MOB3B: variants seen among roughly 807,000 people sequenced by gnomAD.
MOB3B encodes the protein MOB kinase activator 3B.
MOB3B carries 7 observed loss-of-function variants against 18.7 expected under a neutral mutation model. The observed-to-expected ratio is 0.37, with a 90% CI of 0.21 to 0.70. The LOEUF is 0.70. Ranked by LOEUF, MOB3B falls within the 30% of genes least tolerant of loss-of-function variation. The pLI is 0.52. For synonymous variants in MOB3B, 111 were observed against 99.9 expected, an observed-to-expected ratio of 1.11 and a Z score of -0.66; for missense variants, 253 against 281.3, an observed-to-expected ratio of 0.90 and a Z score of 0.72.
chr9:27,345,074 C>T (rs976436809), intron 3 of MOB3B, among the ~76,000 whole-genome samples: 1 of 152,230 alleles, frequency 6.6e-6, no homozygotes, highest in Non-Finnish European at 1.5e-5. Context: ...ATCCAGTATG[C>T]AGCAGCATGG....
chr9:27,391,141 C>T (rs1285853182), intron 2 of MOB3B, among the ~76,000 whole-genome samples: 4 of 152,222 alleles, frequency 2.6e-5, no homozygotes, highest in Non-Finnish European at 5.9e-5. Flanking sequence ...CCTTTACTCA[C>T]ACCTACTCTT....
In MOB3B at chr9:27,457,140, A is replaced by G. The variant is rs145960828; in HGVS notation, c.-198-1392T>C. Among the ~76,000 whole-genome samples, 146 of 152,352 alleles carry G rather than the reference A, an allele frequency of 9.6e-4. 1 individual carries two copies. Among genetic ancestry groups the G allele is most frequent in the African/African-American group, 3.0e-3 (126 of 41,572 alleles). On this transcript the variant is annotated intron_variant, in intron 1 of 3. Transcript: ENST00000262244. ...GACTCCTAGCAAATGCTTTCTCTAC[A>G]TGGCCATATATTCCCAAAAGTAATG...
intron 1 of MOB3B, among the ~76,000 whole-genome samples, chr9:27,528,688 AGAAACAAAAGG>A (rs1395024791): frequency 6.6e-6 from 1 of 152,082 alleles, no homozygotes; most frequent in Non-Finnish European, 1.5e-5. Context: ...GGAAACGCGG[AGAAACAAAAGG>A]CCATTCGCCA....
At chr9:27,398,589 A>C (rs184044867) in intron 2 of MOB3B, among the ~76,000 whole-genome samples, 1 of 152,266 alleles carries the variant, frequency 6.6e-6, no homozygotes, top group East Asian at 1.9e-4. Flanking sequence ...TACATGAGCT[A>C]ATTTGGAAGT....
At chr9:27,458,524 T>G (rs543256162) in intron 1 of MOB3B, among the ~76,000 whole-genome samples, 10,969 of 147,676 alleles carry the variant, frequency 0.074, 514 homozygotes, top group Non-Finnish European at 0.1. Context: ...TATGTTTTTT[T>G]TTTTTTTTTG....
At chr9:27,444,170 GGAAA>G (rs1273364016) in intron 2 of MOB3B, among the ~76,000 whole-genome samples, 1 of 139,622 alleles carries the variant, frequency 7.2e-6, no homozygotes, top group African/African-American at 2.8e-5. Flanking sequence ...AAGGAAGGAA[GGAAA>G]GAAGGAAGGA....
At chr9:27,438,683 G>A (rs1251265600) in intron 2 of MOB3B, among the ~76,000 whole-genome samples, 1 of 152,192 alleles carries the variant, frequency 6.6e-6, no homozygotes, top group African/African-American at 2.4e-5. Flanking sequence ...GGGAGGACAA[G>A]GAGCTGCAAG....
chr9:27,523,215 A>G (rs1207431294), intron 1 of MOB3B, among the ~76,000 whole-genome samples: 2 of 152,158 alleles, frequency 1.3e-5, no homozygotes, highest in African/African-American at 2.4e-5. Context: ...TTTAACCATA[A>G]TCAGAGGAAG....
chr9:27,350,431 C>A (rs1821088211), intron 3 of MOB3B, among the ~76,000 whole-genome samples: 1 of 152,032 alleles, frequency 6.6e-6, no homozygotes, highest in African/African-American at 2.4e-5. Context: ...TATAATTGAT[C>A]ATATTTTAGG....
At position 27,359,059 on chromosome 9, in the gene MOB3B, A is replaced by G; in HGVS notation, c.596T>C (p.Ile199Thr). Residue 199 changes from isoleucine to threonine, a missense_variant, in exon 3 of 4, where the codon ATA becomes ACA. Ile to Thr is a moderately conservative substitution (Grantham distance 89). Transcript: ENST00000262244. ...FYYFVTEMNL[I>T]DRKELEPLKE... ...CAAAGGCTCTAGCTCCTTGCGGTCT[A>G]TGAGGTTCATCTCTGTGACAAAGTA... 3.1e-6 allele frequency: 5 copies of G among 1,614,142 alleles called. No homozygotes were observed. The highest frequency in any genetic ancestry group is 4.2e-6 in the Non-Finnish European group (5 of 1,180,022).
intron 1 of MOB3B, among the ~76,000 whole-genome samples, chr9:27,484,931 T>C (rs916455855): frequency 6.6e-6 from 1 of 152,188 alleles, no homozygotes; most frequent in Non-Finnish European, 1.5e-5. Flanking sequence ...GTGACCATTA[T>C]ACCTCAGTTA....
chr9:27,444,094 C>T (rs1822639476), intron 2 of MOB3B, among the ~76,000 whole-genome samples: 1 of 149,934 alleles, frequency 6.7e-6, no homozygotes, highest in Non-Finnish European at 1.5e-5. Flanking sequence ...GAAACCTCTG[C>T]CTTTGCAACC....
chr9:27,487,392 A>G (rs1408928431), intron 1 of MOB3B, among the ~76,000 whole-genome samples: 1 of 152,086 alleles, frequency 6.6e-6, no homozygotes, highest in East Asian at 1.9e-4. Flanking sequence ...CCCTGGAATC[A>G]GCCGTCTCTG....
At chr9:27,476,445 T>G (rs1418436921) in intron 1 of MOB3B, among the ~76,000 whole-genome samples, 2 of 152,210 alleles carry the variant, frequency 1.3e-5, no homozygotes, top group African/African-American at 4.8e-5. Context: ...TTATCCTTCC[T>G]GTGTGTATGT....
Position 27,522,927 on chromosome 9 carries a change from A to ATTT in MOB3B, c.-199+6625_-199+6627dup, listed in dbSNP as rs373430452. Among the ~76,000 whole-genome samples, 9 of 150,916 alleles carry ATTT rather than the reference A, an allele frequency of 6.0e-5. No individual in the cohort carries two copies. The East Asian group carries it at 1.7e-3, about 29-fold the overall frequency. Reference sequence around the variant, plus strand: ...CAAATAGAATAATATATATATATATATTTTTTTCCGTAAGAAACCTTTCCT... The same window carrying ATTT: ...CAAATAGAATAATATATATATATATATTTTTTTTTTCCGTAAGAAACCTTTCCT... On this transcript the variant is annotated intron_variant, in intron 1 of 3. Transcript: ENST00000262244.
chr9:27,378,026 G>C (rs968658406), intron 2 of MOB3B, among the ~76,000 whole-genome samples: 4 of 152,204 alleles, frequency 2.6e-5, no homozygotes, highest in Non-Finnish European at 5.9e-5. Context: ...CTTAGACTAA[G>C]AGTTTGTATA....
At chr9:27,480,096 C>A (rs1161123768) in intron 1 of MOB3B, among the ~76,000 whole-genome samples, 2 of 148,316 alleles carry the variant, frequency 1.3e-5, no homozygotes, top group Non-Finnish European at 3.0e-5. Flanking sequence ...TCATATTATT[C>A]ATATAATATT....
chr9:27,343,905 G>A (rs1200465793), intron 3 of MOB3B, among the ~76,000 whole-genome samples: 3 of 151,816 alleles, frequency 2.0e-5, no homozygotes, highest in Admixed American at 6.6e-5. Context: ...AAATCCTAAA[G>A]ACCCAATTCA....
Position 27,479,403 on chromosome 9 carries a change from T to G in MOB3B, c.-198-23655A>C, listed in dbSNP as rs149858249. On this transcript the variant is annotated intron_variant, in intron 1 of 3. Coordinates refer to ENST00000262244, the MANE Select transcript of MOB3B (RefSeq NM_024761.5). ...TAAACTTCCCACCTCTCAACACTGATGCATTGAGGATTAAGTTTCTAGCAC... is the reference window on the plus strand; with the variant it reads ...TAAACTTCCCACCTCTCAACACTGAGGCATTGAGGATTAAGTTTCTAGCAC... Among the ~76,000 whole-genome samples the G allele has an allele frequency of 6.4e-3, 975 of 152,318 alleles. 10 individuals carry two copies. Among genetic ancestry groups the G allele is most frequent in the African/African-American group, 0.022 (894 of 41,576 alleles).
Sources: gnomAD v4.1 joint callset for allele counts (sites outside exome capture counted in the v4.1 genomes callset) on GRCh38, gnomAD v4.1.1 for gene constraint, MANE v1.5 for transcripts, NCBI Gene and HGNC (gene_info 2026-07-23, HGNC 2026-07-21) for gene names.